HLCS: variants seen among roughly 807,000 people sequenced by gnomAD.
The protein encoded by HLCS is holocarboxylase synthetase.
HLCS carries 53 observed loss-of-function variants against 75.0 expected under a neutral mutation model. The ratio of observed to expected loss-of-function variants is 0.71; its 90% CI spans 0.57 to 0.89. The LOEUF is 0.89. Ranked by LOEUF, HLCS falls within the 40% of genes least tolerant of loss-of-function variation. The pLI is 0.00. For missense variants in HLCS, 966 were observed against 1,074.0 expected (o/e 0.90, Z 1.41); for synonymous variants, 431 against 428.6 (o/e 1.01, Z -0.07).
chr21:36,784,681 A>G (rs1489057072), intron 6 of HLCS, among the ~76,000 whole-genome samples: 2 of 152,138 alleles, frequency 1.3e-5, no homozygotes, highest in Non-Finnish European at 2.9e-5. Flanking sequence ...CTTTCTAGAA[A>G]GATCTGGAAA....
At chr21:36,816,980 A>C (rs771788157) in intron 6 of HLCS, among the ~76,000 whole-genome samples, 7 of 152,186 alleles carry the variant, frequency 4.6e-5, no homozygotes, top group Non-Finnish European at 8.8e-5. Flanking sequence ...TAAGACTTTC[A>C]GTGGCCAAGA....
chr21:36,768,275 G>T (rs189543725), intron 6 of HLCS, among the ~76,000 whole-genome samples: 57 of 152,240 alleles, frequency 3.7e-4, no homozygotes, highest in African/African-American at 1.3e-3. Context: ...CGGAAGGGAT[G>T]GCATTTTGTA....
In HLCS at chr21:36,839,302, C is replaced by T. The variant is rs16994535; in HGVS notation, c.1892+57558G>A. On this transcript the variant is annotated intron_variant, in intron 6 of 10. Transcript: ENST00000674895. Reference sequence around the variant, plus strand: ...ACTGGATCCAGTCCAACGTGAATGGCTCACTTTCAGAAATGAATCTGAAAC... The same window carrying T: ...ACTGGATCCAGTCCAACGTGAATGGTTCACTTTCAGAAATGAATCTGAAAC... Among the ~76,000 whole-genome samples, 891 of 152,314 alleles carry T rather than the reference C, an allele frequency of 5.8e-3. 8 individuals carry two copies. The highest frequency in any genetic ancestry group is 0.019 in the African/African-American group (801 of 41,566).
At chr21:36,967,687 T>G (rs1044435648), upstream of HLCS, among the ~76,000 whole-genome samples, 2 of 152,212 alleles carry the variant, frequency 1.3e-5, no homozygotes, top group African/African-American at 4.8e-5. Context: ...AAAGCAATCA[T>G]GTACACCACG....
rs139844697 is a variant in HLCS, at chr21:36,757,063, G to C, written c.2237-308C>G. The C allele has an allele frequency of 1.9e-3, 990 of 513,002 alleles. 15 individuals are homozygous for C. The African/African-American group carries it at 0.02, about 10-fold the overall frequency. The allele number at this position is 513,002 out of a possible 1,614,324, so 31.8% of individuals were successfully genotyped here. A position where few individuals can be genotyped will look rare whatever the true frequency, so the allele number is the denominator to read the frequency against. ...GAAGCTATTAAATATGGGACAAAAC[G>C]TATCAGTGTTGCCTCTGAAATAAGT... On this transcript the variant is annotated intron_variant, in intron 9 of 10. Transcript: ENST00000674895.
At chr21:36,769,551 T>C (rs1242650832) in intron 6 of HLCS, among the ~76,000 whole-genome samples, 1 of 152,230 alleles carries the variant, frequency 6.6e-6, no homozygotes, top group Admixed American at 6.5e-5. Context: ...TCTGTATATT[T>C]TCCTTCCTTG....
intron 6 of HLCS, among the ~76,000 whole-genome samples, chr21:36,884,174 T>A (rs188287647): frequency 5.9e-5 from 9 of 152,360 alleles, no homozygotes; most frequent in African/African-American, 1.7e-4. Context: ...AGGCACCAGA[T>A]AAAAGAATCT....
chr21:36,829,760 G>A (rs1270551084), intron 6 of HLCS, among the ~76,000 whole-genome samples: 2 of 152,132 alleles, frequency 1.3e-5, no homozygotes, highest in Non-Finnish European at 2.9e-5. Flanking sequence ...TCCCTTCCCA[G>A]AGAGGACTTA....
At chr21:36,837,630 TA>T (rs1006802775) in intron 6 of HLCS, among the ~76,000 whole-genome samples, 33 of 152,178 alleles carry the variant, frequency 2.2e-4, no homozygotes, top group Non-Finnish European at 4.0e-4. Context: ...TAATTATACT[TA>T]AAAAAATTAT....
chr21:36,927,777 T>C (rs956456202), intron 5 of HLCS, among the ~76,000 whole-genome samples: 8 of 152,348 alleles, frequency 5.3e-5, no homozygotes, highest in Admixed American at 3.3e-4. Flanking sequence ...TAGGGTCCTG[T>C]ATGCGAGGCA....
intron 2 of HLCS, among the ~76,000 whole-genome samples, chr21:36,961,040 G>C (rs2146661212): frequency 6.6e-6 from 1 of 152,310 alleles, no homozygotes; most frequent in East Asian, 1.9e-4. Flanking sequence ...TAACAATTTA[G>C]GGAGTGCTGT....
At chr21:36,956,493 C>T (rs2067956018) in intron 2 of HLCS, among the ~76,000 whole-genome samples, 1 of 152,086 alleles carries the variant, frequency 6.6e-6, no homozygotes. Flanking sequence ...CTTTGGGAGG[C>T]CGAGGTGGGC....
At chr21:36,883,588 A>G (rs1006694604) in intron 6 of HLCS, among the ~76,000 whole-genome samples, 5 of 152,142 alleles carry the variant, frequency 3.3e-5, no homozygotes, top group African/African-American at 1.2e-4. Flanking sequence ...CTTATCATAG[A>G]TTTCTTACTG....
chr21:36,843,005 T>C (rs1232214240), intron 6 of HLCS, among the ~76,000 whole-genome samples: 1 of 152,240 alleles, frequency 6.6e-6, no homozygotes, highest in Non-Finnish European at 1.5e-5. Context: ...TGCCATGTCT[T>C]ATCTTCTAGA....
chr21:36,870,904 G>GC (rs1339444063), intron 6 of HLCS, among the ~76,000 whole-genome samples: 1 of 152,122 alleles, frequency 6.6e-6, no homozygotes. Flanking sequence ...CCCAGCCCTG[G>GC]CCCCCCACTC....
In HLCS at chr21:36,924,121, T is replaced by C. The variant is rs540778492; in HGVS notation, c.1620+6130A>G. On this transcript the variant is annotated intron_variant, in intron 5 of 10. Transcript: ENST00000674895. ...ATTTTTAAGCTGTATTTTAAAGTTA[T>C]GCCCAAAGCTTCGCCCTATCTATAC... is the stretch of plus-strand genomic sequence containing the variant. Among the ~76,000 whole-genome samples the C allele has an allele frequency of 4.6e-5, 7 of 152,332 alleles. No individual in the cohort carries two copies. The South Asian group carries it at 1.4e-3, about 32-fold the overall frequency.
At position 36,754,140 on chromosome 21, in the gene HLCS, G is replaced by T; in HGVS notation, c.*106C>A. 2 of 1,162,604 alleles carry T rather than the reference G, an allele frequency of 1.7e-6. No homozygotes were observed. Among genetic ancestry groups the T allele is most frequent in the South Asian group, 1.3e-5 (1 of 76,518 alleles). The allele number at this position is 1,162,604 out of a possible 1,614,324, so 72.0% of individuals were successfully genotyped here. On this transcript the variant is annotated 3_prime_UTR_variant, in exon 11 of 11. Coordinates refer to ENST00000674895, the MANE Select transcript of HLCS (RefSeq NM_001352514.2). The stretch of plus-strand genomic sequence containing the variant: ...AACAGAAACACAGAAAAAGAACAAA[G>T]ACTTAACAAATGAATTGGAGGAAAA...
At chr21:36,763,452 C>T (rs982937620) in intron 8 of HLCS, among the ~76,000 whole-genome samples, 10 of 152,160 alleles carry the variant, frequency 6.6e-5, no homozygotes, top group African/African-American at 1.9e-4. Flanking sequence ...AGTAAGCGTC[C>T]GTTTCAGCGA....
chr21:36,792,166 A>G (rs150980320), intron 6 of HLCS, among the ~76,000 whole-genome samples: 3 of 152,184 alleles, frequency 2.0e-5, no homozygotes, highest in African/African-American at 7.2e-5. Context: ...CCAGGTGCCA[A>G]TAGTGAAACC....
Sources: allele counts gnomAD v4.1 joint callset (sites outside exome capture counted in the v4.1 genomes callset), GRCh38; gene constraint gnomAD v4.1.1; transcripts MANE v1.5; gene names NCBI Gene and HGNC (gene_info 2026-07-23, HGNC 2026-07-21).